Variants in NVL observed in about 807,000 individuals in gnomAD.
NVL encodes the protein nuclear valosin-containing protein-like.
Under a neutral mutation model 110.2 loss-of-function variants are expected in NVL, and 84 were observed. The observed-to-expected ratio is 0.76, with a 90% CI of 0.64 to 0.91. The LOEUF (loss-of-function observed/expected upper bound fraction) is 0.91. NVL is among the 40% of genes least tolerant of loss of function. NVL has a pLI of 0.00. For synonymous variants in NVL, 354 were observed against 361.1 expected (o/e 0.98, Z 0.22); for missense variants, 882 against 1,035.9 (o/e 0.85, Z 2.04).
intron 1 of NVL, among the ~76,000 whole-genome samples, chr1:224,327,577 C>A (rs1326086229): frequency 1.3e-5 from 2 of 151,718 alleles, no homozygotes; most frequent in Non-Finnish European, 2.9e-5. Context: ...TAACTTGGGT[C>A]CCATCCCCAA....
intron 19 of NVL, among the ~76,000 whole-genome samples, chr1:224,241,834 G>C (rs566215089): frequency 2.3e-4 from 32 of 138,760 alleles, no homozygotes; most frequent in African/African-American, 7.5e-4. Flanking sequence ...CCAGCCTAGG[G>C]AACAAGAGTG....
At chr1:224,278,029 T>A (rs761637532) in intron 16 of NVL, among the ~76,000 whole-genome samples, 1 of 152,174 alleles carries the variant, frequency 6.6e-6, no homozygotes, top group African/African-American at 2.4e-5. Flanking sequence ...AACAAACTTG[T>A]CCTACCAGAC....
At chr1:224,248,652 G>A (rs1171577042) in intron 19 of NVL, among the ~76,000 whole-genome samples, 1 of 152,222 alleles carries the variant, frequency 6.6e-6, no homozygotes, top group Non-Finnish European at 1.5e-5. Flanking sequence ...TGCTGCAAAT[G>A]TTGAAAAGTG....
chr1:224,249,563 T>C (rs1170211083), intron 19 of NVL, among the ~76,000 whole-genome samples: 1 of 152,002 alleles, frequency 6.6e-6, no homozygotes, highest in Non-Finnish European at 1.5e-5. Flanking sequence ...GCTAACACGG[T>C]AAAACCCCGT....
intron 5 of NVL, among the ~76,000 whole-genome samples, chr1:224,308,749 C>A (rs554562596): frequency 6.9e-6 from 1 of 144,404 alleles, no homozygotes; most frequent in African/African-American, 2.6e-5. Flanking sequence ...GACTCACAAA[C>A]AAGCATTTAC....
At chr1:224,315,003 C>T (rs1669927823) in intron 4 of NVL, among the ~76,000 whole-genome samples, 1 of 151,470 alleles carries the variant, frequency 6.6e-6, no homozygotes, top group Non-Finnish European at 1.5e-5. Flanking sequence ...AAGAGTGAGA[C>T]TCCATCTCAA....
At position 224,236,927 on chromosome 1, in the gene NVL, T is replaced by C. The variant is rs2176599; in HGVS notation, c.2290-345A>G. ...CTGAGTCTCAAAGATAAAGACCATA[T>C]TCATCTACATAATAGGTTCTTAATA... On this transcript the variant is annotated intron_variant, in intron 19 of 22. Transcript: ENST00000281701. Among the ~76,000 whole-genome samples, 251 of 152,216 alleles carry C rather than the reference T, an allele frequency of 1.6e-3. 5 individuals are homozygous for C. The East Asian group carries it at 0.041, about 25-fold the overall frequency.
chr1:224,301,021 G>T (rs1668347567), intron 9 of NVL, among the ~76,000 whole-genome samples: 1 of 151,728 alleles, frequency 6.6e-6, no homozygotes, highest in African/African-American at 2.4e-5. Context: ...CAGAAGAATT[G>T]CTTGAACCTG....
chr1:224,253,731 C>CAAAAAAAAA (rs770232348), intron 18 of NVL, among the ~76,000 whole-genome samples: 37 of 55,442 alleles, frequency 6.7e-4, no homozygotes, highest in Non-Finnish European at 8.2e-4. Context: ...GGCTCGGTCT[C>CAAAAAAAAA]AAAAAAAAAA....
rs532260571 is a variant in NVL at position 224,289,487 on chromosome 1, T to A, written c.1572A>T (p.Thr524=). The A allele has an allele frequency of 1.2e-6, 2 of 1,614,046 alleles. No individual in the cohort carries two copies. Among genetic ancestry groups the A allele is most frequent in the Non-Finnish European group, 1.7e-6 (2 of 1,179,980 alleles). The change falls in exon 13 of 23, where the codon ACA becomes ACT. Residue 524 remains threonine (T), a synonymous_variant. Coordinates refer to ENST00000281701, the MANE Select transcript of NVL (RefSeq NM_002533.4). ...ERLGTEPTSE[T]QDELQRLLGL... ...AAGGTGCCTTTAGAGAAAGCACCTG[T>A]GTTTCAGAAGTGGGCTCAGTTCCCA...
rs374513864 is a variant in NVL, at chr1:224,275,168, G to A, written c.2082+171C>T. On this transcript the variant is annotated intron_variant, in intron 17 of 22. Coordinates refer to ENST00000281701, the MANE Select transcript of NVL (RefSeq NM_002533.4). ...CAGGAAAAAAACTGGATGCAGAGGC[G>A]GATACAGAATACAACTGCTATCTCT... Among the ~76,000 whole-genome samples, 20 of 152,250 alleles carry A rather than the reference G, an allele frequency of 1.3e-4. No homozygotes were observed. The East Asian group carries it at 2.3e-3, about 18-fold the overall frequency.
At chr1:224,275,310 T>C in intron 17 of NVL, 29 bp downstream of exon 17, 2 of 1,613,646 alleles carry the variant, frequency 1.2e-6, no homozygotes, top group Non-Finnish European at 1.7e-6. Context: ...GCTAAAAGAA[T>C]CTGAAAACCA....
intron 17 of NVL, among the ~76,000 whole-genome samples, chr1:224,272,809 C>A (rs569656226): frequency 2.0e-5 from 3 of 149,526 alleles, no homozygotes; most frequent in African/African-American, 4.9e-5. Flanking sequence ...CCGAGGCGGG[C>A]GGATCGCGAG....
chr1:224,261,246 TC>T (rs1663952829), intron 18 of NVL, among the ~76,000 whole-genome samples: 1 of 152,084 alleles, frequency 6.6e-6, no homozygotes, highest in Non-Finnish European at 1.5e-5. Flanking sequence ...CCTTAAGAGA[TC>T]CTCTTGCCTC....
At chr1:224,273,727 C>T (rs1340737653) in intron 17 of NVL, among the ~76,000 whole-genome samples, 3 of 152,022 alleles carry the variant, frequency 2.0e-5, no homozygotes, top group Non-Finnish European at 4.4e-5. Context: ...CATGCTGTGC[C>T]CTAACCAGCT....
chr1:224,229,992 T>C (rs1277834520), intron 22 of NVL, among the ~76,000 whole-genome samples: 3 of 151,972 alleles, frequency 2.0e-5, no homozygotes, highest in African/African-American at 7.2e-5. Flanking sequence ...ACACCATGCC[T>C]GGCTAAGTTT....
intron 15 of NVL, among the ~76,000 whole-genome samples, chr1:224,285,085 A>G (rs1666724610): frequency 1.3e-5 from 2 of 152,246 alleles, no homozygotes; most frequent in African/African-American, 4.8e-5. Flanking sequence ...GTATCAATAT[A>G]TACTGACGTG....
intron 1 of NVL, 45 bp from the exon 2 acceptor site, chr1:224,326,509 A>G (rs774215514): frequency 7.7e-7 from 1 of 1,303,724 alleles, no homozygotes; most frequent in Non-Finnish European, 1.1e-6. Flanking sequence ...AATATTTCAA[A>G]CTCAGTGATT....
intron 18 of NVL, among the ~76,000 whole-genome samples, chr1:224,250,686 G>A (rs1323400644): frequency 6.6e-6 from 1 of 152,014 alleles, no homozygotes; most frequent in Admixed American, 6.6e-5. Flanking sequence ...ACTGTACCCA[G>A]TGTGCAGTCT....
Sources: allele counts gnomAD v4.1 joint callset (sites outside exome capture counted in the v4.1 genomes callset), GRCh38; gene constraint gnomAD v4.1.1; transcripts MANE v1.5; gene names NCBI Gene and HGNC (gene_info 2026-07-23, HGNC 2026-07-21).